The following G3BP2 variants were observed in gnomAD, a reference collection of about 807,000 sequenced individuals.
G3BP2 encodes the protein ras GTPase-activating protein-binding protein 2.
G3BP2 carries 11 observed loss-of-function variants against 56.7 expected under a neutral mutation model. The ratio of observed to expected loss-of-function variants is 0.19; its 90% CI spans 0.12 to 0.32. The LOEUF (loss-of-function observed/expected upper bound fraction) is 0.32, where lower values mean the gene tolerates loss of function less well. Among genes scored for constraint, G3BP2 ranks in the 10% least tolerant of loss-of-function variants. G3BP2 has a pLI of 1.00. For missense variants in G3BP2, 340 were observed against 610.9 expected (o/e 0.56, Z 4.67); for synonymous variants, 165 against 191.6 (o/e 0.86, Z 1.15).
intron 1 of G3BP2, among the ~76,000 whole-genome samples, chr4:75,723,842 A>G (rs763235017): frequency 3.9e-5 from 6 of 152,118 alleles, no homozygotes; most frequent in Non-Finnish European, 7.4e-5. Flanking sequence ...GTGTACTGAC[A>G]ACCTCACTGC....
At chr4:75,691,894 CAGGTG>C (rs1475334126) in intron 3 of G3BP2, among the ~76,000 whole-genome samples, 4 of 152,148 alleles carry the variant, frequency 2.6e-5, no homozygotes, top group Non-Finnish European at 4.4e-5. Flanking sequence ...GCATACTCCT[CAGGTG>C]ATTCTAATAT....
intron 1 of G3BP2, among the ~76,000 whole-genome samples, chr4:75,722,475 T>C (rs1388547539): frequency 1.3e-5 from 2 of 152,172 alleles, no homozygotes; most frequent in East Asian, 3.8e-4. Context: ...AATAGACATT[T>C]GTGGCCCACT....
intron 3 of G3BP2, among the ~76,000 whole-genome samples, chr4:75,708,010 C>T (rs1174923503): frequency 6.6e-6 from 1 of 152,140 alleles, no homozygotes; most frequent in African/African-American, 2.4e-5. Flanking sequence ...CCCTCTATAA[C>T]CAACTATGTG....
At position 75,656,939 on chromosome 4, in the gene G3BP2, G is replaced by T; in HGVS notation, c.427C>A (p.Pro143Thr). Reference protein sequence around the residue: ...YEDEVFGDSEPELDEESEDEV... With the variant: ...YEDEVFGDSETELDEESEDEV... ...GTAACCTCACCTTCATCAAGTTCAG[G>T]CTCAGAATCACCAAACACTTCATCT... Residue 143 changes from proline (P) to threonine (T), a missense_variant, in exon 5 of 12, where the codon CCT becomes ACT. Transcript: ENST00000359707. The T allele has an allele frequency of 2.0e-6, 3 of 1,509,022 alleles. No homozygotes were observed. Among genetic ancestry groups the T allele is most frequent in the Non-Finnish European group, 2.8e-6 (3 of 1,090,152 alleles). The allele number at this position is 1,509,022 out of a possible 1,614,324, so 93.5% of individuals were successfully genotyped here.
chr4:75,643,144 T>C lies in G3BP2; in HGVS notation c.*2286A>G, dbSNP rs934631792. The C allele has an allele frequency of 6.6e-6, 1 of 152,240 alleles. No homozygotes were observed. 9.4% of individuals were successfully genotyped at this position (152,240 alleles called of 1,614,324 possible). A position where few individuals can be genotyped will look rare whatever the true frequency, so the allele number is the denominator to read the frequency against. ...AACAATCACCATGTAAACTTCTCCA[T>C]ATGATGTTTTAATGTTTTATTCATG... On this transcript the variant is annotated 3_prime_UTR_variant, in exon 12 of 12. Transcript: ENST00000359707.
intron 3 of G3BP2, among the ~76,000 whole-genome samples, chr4:75,704,559 TC>T (rs1164488463): frequency 6.6e-6 from 1 of 152,028 alleles, no homozygotes; most frequent in Non-Finnish European, 1.5e-5. Context: ...GCTCAAGTAA[TC>T]CTCCCGCCTC....
At chr4:75,717,054 A>G (rs1038161023) in intron 3 of G3BP2, among the ~76,000 whole-genome samples, 2 of 152,138 alleles carry the variant, frequency 1.3e-5, no homozygotes, top group African/African-American at 4.8e-5. Flanking sequence ...GACCCTCCAC[A>G]TAACATCTGC....
chr4:75,719,020 T>G (rs1410535751), intron 3 of G3BP2, among the ~76,000 whole-genome samples: 1 of 151,976 alleles, frequency 6.6e-6, no homozygotes, highest in Non-Finnish European at 1.5e-5. Flanking sequence ...AGGGCTGGAG[T>G]TGAAGACTTA....
chr4:75,693,476 T>G (rs937254891), intron 3 of G3BP2, among the ~76,000 whole-genome samples: 7 of 150,966 alleles, frequency 4.6e-5, no homozygotes, highest in South Asian at 2.1e-4. Context: ...GGTATCTGAG[T>G]TTTTTTTGTT....
chr4:75,654,321 C>T (rs922699767), intron 7 of G3BP2, among the ~76,000 whole-genome samples: 5 of 152,196 alleles, frequency 3.3e-5, no homozygotes, highest in Admixed American at 1.3e-4. Context: ...CAAGTTCCTA[C>T]GTACTCTAAG....
At chr4:75,667,193 G>A (rs1463490272) in intron 1 of G3BP2, among the ~76,000 whole-genome samples, 1 of 151,992 alleles carries the variant, frequency 6.6e-6, no homozygotes, top group African/African-American at 2.4e-5. Context: ...GGAAGCTGAG[G>A]TGGGAGGAAT....
chr4:75,714,682 T>G (rs1287838883), intron 3 of G3BP2, among the ~76,000 whole-genome samples: 1 of 152,204 alleles, frequency 6.6e-6, no homozygotes. Context: ...GTTCACCTTT[T>G]GCAATCTCTC....
In G3BP2 at chr4:75,678,827, T is replaced by G. The variant is rs528042709; in HGVS notation, c.-24-16778A>C. 2.0e-5 allele frequency among the ~76,000 whole-genome samples: 3 copies of G among 152,332 alleles called. No individual in the cohort carries two copies. The East Asian group carries it at 5.8e-4, about 29-fold the overall frequency. ...TAATATCTACCTTATTAGGGTACAGTAAGGTTTAGACAATACATGTAAAAC... is the reference window on the plus strand; with the variant it reads ...TAATATCTACCTTATTAGGGTACAGGAAGGTTTAGACAATACATGTAAAAC... On this transcript the variant is annotated intron_variant, in intron 3 of 3. Coordinates refer to the G3BP2 transcript ENST00000499709.
chr4:75,673,178 C>A (rs1233905337), intron 1 of G3BP2, 30 bp downstream of exon 1: 1 of 1,183,364 alleles, frequency 8.5e-7, no homozygotes, highest in African/African-American at 1.6e-5. Flanking sequence ...GACCACCACA[C>A]CGACCTCCCC....
intron 3 of G3BP2, among the ~76,000 whole-genome samples, chr4:75,693,017 C>T (rs965451746): frequency 3.3e-5 from 5 of 152,084 alleles, no homozygotes; most frequent in African/African-American, 4.8e-5. Context: ...GAGGCCAAGG[C>T]GGGTGGATCA....
At chr4:75,657,282 T>C (rs1732191952) in intron 4 of G3BP2, among the ~76,000 whole-genome samples, 1 of 152,244 alleles carries the variant, frequency 6.6e-6, no homozygotes, top group South Asian at 2.1e-4. Context: ...AGAACTCTTC[T>C]ATTTTGTTTT....
At chr4:75,662,104 C>A in intron 1 of G3BP2, 55 bp from the exon 2 acceptor site, 1 of 1,024,818 alleles carries the variant, frequency 9.8e-7, no homozygotes, top group East Asian at 2.4e-5. Flanking sequence ...TCATCAACCA[C>A]CATGAAATAA....
chr4:75,656,191 T>C (rs902822417), intron 5 of G3BP2, among the ~76,000 whole-genome samples: 2 of 151,758 alleles, frequency 1.3e-5, no homozygotes, highest in African/African-American at 4.8e-5. Flanking sequence ...GGGTTTTCAC[T>C]GCATTGGCCA....
At chr4:75,663,796 T>C (rs926751931) in intron 1 of G3BP2, among the ~76,000 whole-genome samples, 1 of 150,396 alleles carries the variant, frequency 6.6e-6, no homozygotes, top group Non-Finnish European at 1.5e-5. Flanking sequence ...GAGGCGGAGG[T>C]TGCAGTGAAC....
Sources: gnomAD v4.1 joint callset for allele counts (sites outside exome capture counted in the v4.1 genomes callset) on GRCh38, gnomAD v4.1.1 for gene constraint, MANE v1.5 for transcripts, NCBI Gene and HGNC (gene_info 2026-07-23, HGNC 2026-07-21) for gene names.